FAM184A: variants seen among roughly 807,000 people sequenced by gnomAD.
FAM184A encodes protein FAM184A.
Under a neutral mutation model 143.8 loss-of-function variants are expected in FAM184A, and 99 were observed. That is an observed-to-expected ratio of 0.69 (90% CI 0.58 to 0.81). The LOEUF is 0.81. FAM184A is among the 40% of genes least tolerant of loss of function. The probability of loss-of-function intolerance (pLI) is 0.00; values close to 1 mark genes in which losing one functional copy is unlikely to be tolerated. For synonymous variants in FAM184A, 427 were observed against 446.4 expected, an observed-to-expected ratio of 0.96 and a Z score of 0.55; for missense variants, 1,217 against 1,310.5, an observed-to-expected ratio of 0.93 and a Z score of 1.10.
intron 1 of FAM184A, among the ~76,000 whole-genome samples, chr6:119,110,187 A>G (rs1157417103): frequency 1.3e-5 from 2 of 152,168 alleles, no homozygotes; most frequent in Non-Finnish European, 2.9e-5. Context: ...CTGGGCCATC[A>G]TCACCCCAGG....
chr6:119,014,873 A>T (rs1466800142), intron 5 of FAM184A, among the ~76,000 whole-genome samples: 1 of 152,082 alleles, frequency 6.6e-6, no homozygotes, highest in South Asian at 2.1e-4. Flanking sequence ...AGCCTGGCCA[A>T]CATGGTGAAA....
At chr6:119,142,689 A>G (rs1475810852) in intron 1 of FAM184A, among the ~76,000 whole-genome samples, 1 of 152,192 alleles carries the variant, frequency 6.6e-6, no homozygotes, top group African/African-American at 2.4e-5. Context: ...AATGCACTTA[A>G]TTCTCATAGA....
At chr6:118,974,950 T>G in intron 13 of FAM184A, 74 bp downstream of exon 13, 1 of 1,233,096 alleles carries the variant, frequency 8.1e-7, no homozygotes, top group Non-Finnish European at 1.1e-6. Flanking sequence ...AAAATTAGCA[T>G]AGATTACTAA....
chr6:119,146,328 G>A (rs1044807123), intron 1 of FAM184A, among the ~76,000 whole-genome samples: 4 of 151,676 alleles, frequency 2.6e-5, no homozygotes, highest in African/African-American at 9.7e-5. Flanking sequence ...TGTTCACACA[G>A]AACAAGACTG....
At chr6:118,968,852 T>C (rs1783581032) in intron 14 of FAM184A, among the ~76,000 whole-genome samples, 1 of 152,084 alleles carries the variant, frequency 6.6e-6, no homozygotes, top group Admixed American at 6.5e-5. Context: ...GGTCTATCCC[T>C]GAATCCAAAT....
intron 1 of FAM184A, among the ~76,000 whole-genome samples, chr6:119,120,848 CTT>C (rs374951012): frequency 2.2e-4 from 22 of 98,222 alleles, no homozygotes; most frequent in South Asian, 3.0e-4. Flanking sequence ...TTCTTTCTTT[CTT>C]TTTTTTTTTT....
chr6:119,001,819 C>G (rs1339857722), intron 9 of FAM184A, among the ~76,000 whole-genome samples: 3 of 152,132 alleles, frequency 2.0e-5, no homozygotes, highest in Non-Finnish European at 2.9e-5. Context: ...AATAGGGGAT[C>G]AGTAGCACCC....
At chr6:119,010,844 A>G (rs1048630138) in intron 6 of FAM184A, among the ~76,000 whole-genome samples, 1 of 152,158 alleles carries the variant, frequency 6.6e-6, no homozygotes, top group African/African-American at 2.4e-5. Context: ...AACTTTGCCG[A>G]TATGAGATTG....
chr6:119,131,169 T>G (rs950096206), intron 1 of FAM184A, among the ~76,000 whole-genome samples: 1 of 152,154 alleles, frequency 6.6e-6, no homozygotes, highest in African/African-American at 2.4e-5. Context: ...AGAATTGTAT[T>G]TCTTGATGCC....
At chr6:118,979,087 CCTCAATGTCCTGAG>C in intron 11 of FAM184A, among the ~76,000 whole-genome samples, 2 of 152,164 alleles carry the variant, frequency 1.3e-5, no homozygotes, top group Admixed American at 1.3e-4. Context: ...TTCTGGGACA[CCTCAATGTCCTGAG>C]TCCACTTAGT....
At chr6:119,087,602 C>G (rs754508654) in intron 1 of FAM184A, among the ~76,000 whole-genome samples, 8 of 152,140 alleles carry the variant, frequency 5.3e-5, no homozygotes, top group Non-Finnish European at 1.0e-4. Context: ...AGAAAAATAA[C>G]AAGTGGTACA....
intron 1 of FAM184A, among the ~76,000 whole-genome samples, chr6:119,108,777 T>C (rs1178908389): frequency 2.6e-5 from 4 of 152,160 alleles, no homozygotes; most frequent in Admixed American, 6.5e-5. Flanking sequence ...GTACCTGGGA[T>C]GCTCCTGGGT....
Position 118,980,190 on chromosome 6 carries a change from G to T in FAM184A, c.2249C>A (p.Ala750Glu). 1 of 1,614,104 alleles carries T rather than the reference G, an allele frequency of 6.2e-7. No individual in the cohort carries two copies. Among genetic ancestry groups the T allele is most frequent in the Non-Finnish European group, 8.5e-7 (1 of 1,180,006 alleles). Residue 750 changes from alanine (A) to glutamate (E), a missense_variant, in exon 10 of 18, where the codon GCA (alanine) becomes GAA (glutamate). By Grantham distance (107) the Ala-to-Glu change is moderately radical (BLOSUM62 -1). Transcript: ENST00000338891. Reference protein sequence around the residue: ...HQQRHKSLKEAHVLAFQTMEE... With the variant: ...HQQRHKSLKEEHVLAFQTMEE... Reference sequence around the variant, plus strand: ...CATAGTTTGAAATGCAAGGACATGTGCTTCTTTTAATGATTTGTGTCTTTG... The same window carrying T: ...CATAGTTTGAAATGCAAGGACATGTTCTTCTTTTAATGATTTGTGTCTTTG...
At chr6:119,127,627 G>A (rs571547951) in intron 1 of FAM184A, among the ~76,000 whole-genome samples, 2 of 152,250 alleles carry the variant, frequency 1.3e-5, no homozygotes, top group African/African-American at 4.8e-5. Context: ...TGAGAGAACC[G>A]AATGGATCAG....
Position 119,002,974 on chromosome 6 carries a change from A to T in FAM184A, c.2013T>A (p.Leu671=). ...TTTTCTCTCGATCTTTCAACTGCAA[A>T]AGTTGAGACATTGCTGACTTCTTAT... The part of the protein sequence containing the change: ...EEDKKSAMSQ[L]LQLKDREKNA... The change falls in exon 9 of 18, where the codon CTT becomes CTA. Residue 671 remains leucine (L), a synonymous_variant. Coordinates refer to ENST00000338891, the MANE Select transcript of FAM184A (RefSeq NM_024581.6). 1 of 1,612,834 alleles carries T rather than the reference A, an allele frequency of 6.2e-7. No homozygotes were observed. The highest frequency in any genetic ancestry group is 1.1e-5 in the South Asian group (1 of 90,974).
chr6:119,123,111 G>C (rs113721931), intron 1 of FAM184A, among the ~76,000 whole-genome samples: 1 of 151,666 alleles, frequency 6.6e-6, no homozygotes. Flanking sequence ...AGGGGCAGGC[G>C]GGGGGATGGT....
rs1468171054 is a variant in FAM184A at position 118,961,854 on chromosome 6, G to A, written c.3248C>T (p.Pro1083Leu). 1.9e-6 allele frequency: 3 copies of A among 1,613,828 alleles called. No homozygotes were observed. The highest frequency in any genetic ancestry group is 2.5e-6 in the Non-Finnish European group (3 of 1,179,878). The change falls in exon 17 of 18, where the codon CCC (proline) becomes CTC (leucine). Residue 1083 changes from proline to leucine, a missense_variant. Transcript: ENST00000338891. ...VGNGHPNRLDPIPNSPVHDIE... is the reference protein window; with the variant it reads ...VGNGHPNRLDLIPNSPVHDIE... ...ATCGTGGACTGGAGAATTAGGAATG[G>A]GATCCAGGCGGTTAGGATGTCCATT...
At chr6:119,117,418 G>A (rs898544977) in intron 1 of FAM184A, among the ~76,000 whole-genome samples, 3 of 152,194 alleles carry the variant, frequency 2.0e-5, no homozygotes, top group South Asian at 2.1e-4. Context: ...AGTCCTTTTC[G>A]TACTTAAAGT....
At chr6:119,058,736 C>A (rs1054869943) in intron 1 of FAM184A, among the ~76,000 whole-genome samples, 5 of 152,096 alleles carry the variant, frequency 3.3e-5, no homozygotes, top group African/African-American at 9.7e-5. Flanking sequence ...CCCAGCTGAG[C>A]CCAGCTTTCG....
Sources: gnomAD v4.1 joint callset for allele counts (sites outside exome capture counted in the v4.1 genomes callset) on GRCh38, gnomAD v4.1.1 for gene constraint, MANE v1.5 for transcripts, NCBI Gene and HGNC (gene_info 2026-07-23, HGNC 2026-07-21) for gene names.